The following DCP2 variants were observed in gnomAD, a reference collection of about 807,000 sequenced individuals.
DCP2 encodes m7GpppN-mRNA hydrolase.
DCP2 carries 30 observed loss-of-function variants against 56.1 expected under a neutral mutation model. The observed-to-expected ratio is 0.53, with a 90% CI of 0.40 to 0.73. The LOEUF (loss-of-function observed/expected upper bound fraction) is 0.73, where lower values mean the gene tolerates loss of function less well. Ranked by LOEUF, DCP2 falls within the 30% of genes least tolerant of loss-of-function variation. The probability of loss-of-function intolerance (pLI) is 0.00; values close to 1 mark genes in which losing one functional copy is unlikely to be tolerated. For missense variants in DCP2, 533 were observed against 502.7 expected (o/e 1.06, Z -0.58); for synonymous variants, 197 against 163.3 (o/e 1.21, Z -1.57).
intron 4 of DCP2, among the ~76,000 whole-genome samples, chr5:112,998,742 T>C (rs1214389642): frequency 6.6e-6 from 1 of 152,242 alleles, no homozygotes; most frequent in Non-Finnish European, 1.5e-5. Context: ...TCGATAAATG[T>C]GTGTGCAGAG....
At chr5:112,994,268 C>A (rs529636511) in intron 4 of DCP2, among the ~76,000 whole-genome samples, 143 of 148,432 alleles carry the variant, frequency 9.6e-4, no homozygotes, top group African/African-American at 3.5e-3. Context: ...ACCGCCTGGG[C>A]TCAAGCAATC....
chr5:112,994,163 CTTTTTT>C (rs771514208), intron 4 of DCP2, among the ~76,000 whole-genome samples: 2 of 75,178 alleles, frequency 2.7e-5, no homozygotes, highest in Non-Finnish European at 5.2e-5. Flanking sequence ...TTTTTTCTTT[CTTTTTT>C]TTTTTTTTTT....
At chr5:112,984,698 AAAAAAATATAT>A (rs1442769012) in intron 1 of DCP2, 3 of 111,926 alleles carry the variant, frequency 2.7e-5, no homozygotes, top group East Asian at 4.7e-4. Flanking sequence ...AAAAAAAAAA[AAAAAAATATAT>A]ATATATATAT....
chr5:112,992,617 A>G (rs1748644830), intron 3 of DCP2, 55 bp from the exon 4 acceptor site: 1 of 1,267,870 alleles, frequency 7.9e-7, no homozygotes, highest in Non-Finnish European at 1.1e-6. Context: ...TGATTTTTAG[A>G]AAGGAGCATG....
At chr5:113,001,940 GA>G (rs981834579) in intron 7 of DCP2, among the ~76,000 whole-genome samples, 7 of 151,910 alleles carry the variant, frequency 4.6e-5, no homozygotes, top group East Asian at 1.9e-4. Context: ...ACTAGGAAAG[GA>G]AAAAAAATCT....
Position 113,013,769 on chromosome 5 carries a change from G to A in DCP2, c.*285G>A. 2 of 271,468 alleles carry A rather than the reference G, an allele frequency of 7.4e-6. No homozygotes were observed. Among genetic ancestry groups the A allele is most frequent in the Non-Finnish European group, 1.4e-5 (2 of 145,970 alleles). 16.8% of individuals were successfully genotyped at this position (271,468 alleles called of 1,614,324 possible). A position where few individuals can be genotyped will look rare whatever the true frequency, so the allele number is the denominator to read the frequency against. ...GACTGTGGGTTTTATTTTGTATTCT[G>A]GTTAAGAAAATAATGTATTGAGTTA... is the stretch of plus-strand genomic sequence containing the variant. On this transcript the variant is annotated 3_prime_UTR_variant, in exon 11 of 11. Transcript: ENST00000389063.
intron 4 of DCP2, among the ~76,000 whole-genome samples, chr5:113,000,593 A>G (rs981484117): frequency 5.9e-5 from 9 of 152,318 alleles, no homozygotes; most frequent in African/African-American, 1.9e-4. Context: ...ATTAAGCTCT[A>G]TCTCAAGCAG....
At chr5:112,999,844 TGA>T (rs1431877652) in intron 4 of DCP2, among the ~76,000 whole-genome samples, 1 of 151,360 alleles carries the variant, frequency 6.6e-6, no homozygotes, top group Non-Finnish European at 1.5e-5. Flanking sequence ...GTGGATCACC[TGA>T]GGTCAGGAGT....
At chr5:112,993,309 T>G (rs910342976) in intron 4 of DCP2, among the ~76,000 whole-genome samples, 1 of 152,186 alleles carries the variant, frequency 6.6e-6, no homozygotes, top group African/African-American at 2.4e-5. Flanking sequence ...TTCTCTCTCT[T>G]GAACTTGATT....
At chr5:112,986,119 C>T in intron 2 of DCP2, 133 bp downstream of exon 2, 1 of 809,042 alleles carries the variant, frequency 1.2e-6, no homozygotes. Flanking sequence ...ATTTGTCAAA[C>T]ATAAATAGTA....
intron 10 of DCP2, among the ~76,000 whole-genome samples, chr5:113,012,043 G>T (rs1287246287): frequency 6.6e-6 from 1 of 152,164 alleles, no homozygotes; most frequent in Non-Finnish European, 1.5e-5. Flanking sequence ...TGGCCACCTT[G>T]GGTGGTGGGG....
At chr5:113,002,383 A>T (rs1428790063) in intron 7 of DCP2, among the ~76,000 whole-genome samples, 1 of 151,482 alleles carries the variant, frequency 6.6e-6, no homozygotes, top group Non-Finnish European at 1.5e-5. Context: ...AGATCATGCC[A>T]CTGTACTCCA....
intron 9 of DCP2, among the ~76,000 whole-genome samples, chr5:113,009,992 A>T (rs540874516): frequency 2.8e-5 from 4 of 143,482 alleles, no homozygotes; most frequent in African/African-American, 1.0e-4. Flanking sequence ...TGTTTACTGT[A>T]GCCTTGAACT....
intron 9 of DCP2, among the ~76,000 whole-genome samples, chr5:113,010,207 ATTTTTTT>A (rs766144641): frequency 2.4e-3 from 286 of 117,906 alleles, no homozygotes; most frequent in Admixed American, 5.1e-3. Context: ...TAATTCTTGT[ATTTTTTT>A]TTTTTTTTTT....
Position 113,018,021 on chromosome 5 carries a change from G to A in DCP2, c.*4537G>A, listed in dbSNP as rs1246809580. 1.3e-5 allele frequency: 2 copies of A among 152,160 alleles called. No individual in the cohort carries two copies. Among genetic ancestry groups the A allele is most frequent in the Non-Finnish European group, 2.9e-5 (2 of 68,030 alleles). The allele number at this position is 152,160 out of a possible 1,614,324, so 9.4% of individuals were successfully genotyped here. On this transcript the variant is annotated 3_prime_UTR_variant, in exon 11 of 11. Coordinates refer to ENST00000389063, the MANE Select transcript of DCP2 (RefSeq NM_152624.6). ...ACTGTAGAACTCCAGTCAAACTTCAGTGCACTGCTTTCTTACAGGAAGACA... is the reference window on the plus strand; with the variant it reads ...ACTGTAGAACTCCAGTCAAACTTCAATGCACTGCTTTCTTACAGGAAGACA...
At chr5:113,005,111 A>G (rs868067829) in intron 8 of DCP2, among the ~76,000 whole-genome samples, 2 of 151,442 alleles carry the variant, frequency 1.3e-5, no homozygotes, top group Non-Finnish European at 1.5e-5. Flanking sequence ...CCTGGGCAAT[A>G]AGAACAAAAC....
At chr5:112,999,270 G>C (rs1749013646) in intron 4 of DCP2, among the ~76,000 whole-genome samples, 1 of 152,054 alleles carries the variant, frequency 6.6e-6, no homozygotes, top group Non-Finnish European at 1.5e-5. Context: ...CAGAGCTAAA[G>C]AAAATAACTA....
Position 112,976,949 on chromosome 5 carries a change from G to C in DCP2, c.16G>C (p.Val6Leu). The change falls in exon 1 of 11, where the codon GTG (valine) becomes CTG (leucine). Residue 6 changes from valine to leucine, a missense_variant. By Grantham distance (32) the Val-to-Leu change is conservative (BLOSUM62 1). Around this residue, in one of 3 missense-constraint regions of DCP2, gnomAD observed 137 missense variants for 138.2 expected, o/e 0.99. Coordinates refer to ENST00000389063, the MANE Select transcript of DCP2 (RefSeq NM_152624.6). Reference protein sequence around the residue: METKRVEIPGSVLDDL... With the variant: METKRLEIPGSVLDDL... The stretch of plus-strand genomic sequence containing the variant: ...GGTCCTCATCATGGAGACCAAACGG[G>C]TGGAGATTCCCGGCAGCGTCCTGGA... 1 of 1,602,490 alleles carries C rather than the reference G, an allele frequency of 6.2e-7. No homozygotes were observed. The highest frequency in any genetic ancestry group is 1.1e-5 in the South Asian group (1 of 90,410).
chr5:112,991,018 A>G (rs1164126487), intron 2 of DCP2, among the ~76,000 whole-genome samples: 2 of 152,096 alleles, frequency 1.3e-5, no homozygotes, highest in Admixed American at 6.6e-5. Flanking sequence ...ATTCCTTTCT[A>G]TATTATGTCG....
Sources: gnomAD v4.1 joint callset for allele counts (sites outside exome capture counted in the v4.1 genomes callset) on GRCh38, gnomAD v4.1.1 for gene constraint, gnomAD v4.1.1 regional missense constraint, MANE v1.5 for transcripts, NCBI Gene and HGNC (gene_info 2026-07-23, HGNC 2026-07-21) for gene names.